Variants in ACOX3 observed in about 807,000 individuals in gnomAD.
ACOX3 encodes the protein acyl-CoA oxidase 3, pristanoyl.
ACOX3 carries 73 observed loss-of-function variants against 81.5 expected under a neutral mutation model. The ratio of observed to expected loss-of-function variants is 0.90; its 90% confidence interval spans 0.74 to 1.09. The LOEUF is 1.09. Ranked by LOEUF, ACOX3 falls within the 50% of genes least tolerant of loss-of-function variation. The pLI, the probability that ACOX3 is intolerant of heterozygous loss-of-function variation, is 0.00. For missense variants in ACOX3, 947 were observed against 928.0 expected (o/e 1.02, Z -0.27); for synonymous variants, 387 against 375.1 (o/e 1.03, Z -0.37).
Position 8,366,897 on chromosome 4 carries a change from T to C in ACOX3, c.*64A>G. The C allele has an allele frequency of 6.3e-7, 1 of 1,578,926 alleles. No homozygotes were observed. The highest frequency in any genetic ancestry group is 8.7e-7 in the Non-Finnish European group (1 of 1,152,974). On this transcript the variant is annotated 3_prime_UTR_variant, in exon 18 of 18. Transcript: ENST00000356406. Reference sequence around the variant, plus strand: ...TCCGGCGTGTTCTGGAATCAGAAGTTGAGGTCCACGTCTGATTAGTTCCCT... The same window carrying C: ...TCCGGCGTGTTCTGGAATCAGAAGTCGAGGTCCACGTCTGATTAGTTCCCT...
chr4:8,356,751 A>G, the ACOX3 span: 3 of 456,524 alleles, frequency 6.6e-6, no homozygotes. Flanking sequence ...AAGTGTGCAG[A>G]ATGGTGCACG....
At chr4:8,376,682 C>G (rs955738066) in intron 14 of ACOX3, among the ~76,000 whole-genome samples, 16 of 152,266 alleles carry the variant, frequency 1.1e-4, no homozygotes, top group Admixed American at 9.8e-4. Flanking sequence ...GCCAGGAAGG[C>G]CCGTCCTGCT....
intron 7 of ACOX3, among the ~76,000 whole-genome samples, chr4:8,401,997 C>T (rs1184452414): frequency 1.3e-5 from 2 of 152,230 alleles, no homozygotes; most frequent in African/African-American, 4.8e-5. Context: ...GCTCACCCCC[C>T]TCCATGAGGG....
the ACOX3 span, chr4:8,355,911 G>C: frequency 1.9e-5 from 3 of 160,946 alleles, no homozygotes; most frequent in Non-Finnish European, 4.2e-5. Context: ...TATATGAACA[G>C]ACTTCAAGCA....
intron 16 of ACOX3, among the ~76,000 whole-genome samples, chr4:8,372,533 C>T (rs934537235): frequency 6.6e-6 from 1 of 152,212 alleles, no homozygotes; most frequent in Non-Finnish European, 1.5e-5. Flanking sequence ...AAATTTGGCT[C>T]TTGGAGGAGC....
intron 1 of ACOX3, among the ~76,000 whole-genome samples, chr4:8,425,228 A>G (rs1426712982): frequency 6.6e-6 from 1 of 152,150 alleles, no homozygotes; most frequent in East Asian, 1.9e-4. Flanking sequence ...CGCGAAGCAG[A>G]TACTGAAGCC....
chr4:8,411,489 G>A (rs965511503), intron 5 of ACOX3, among the ~76,000 whole-genome samples: 6 of 152,300 alleles, frequency 3.9e-5, no homozygotes, highest in Admixed American at 6.5e-5. Flanking sequence ...CCAGCTCTTC[G>A]CCTGCGAGGG....
chr4:8,385,597 G>C lies in ACOX3; in HGVS notation c.1537+3576C>G, dbSNP rs1299108675. 2.0e-5 allele frequency among the ~76,000 whole-genome samples: 3 copies of C among 152,214 alleles called. No individual in the cohort carries two copies. The highest frequency in any genetic ancestry group is 6.5e-5 in the Admixed American group (1 of 15,282). On this transcript the variant is annotated intron_variant, in intron 13 of 17. Transcript: ENST00000356406. The surrounding 1 kb of genome is among the most constrained non-coding windows in gnomAD (Gnocchi z 5.5). ...GTGACACTCAGCTCAGTGCAAAAATGCCTGTGCAAAAATCAGAGGAACTCA... is the reference window on the plus strand; with the variant it reads ...GTGACACTCAGCTCAGTGCAAAAATCCCTGTGCAAAAATCAGAGGAACTCA...
At chr4:8,434,242 G>C (rs1724101423) in intron 1 of ACOX3, among the ~76,000 whole-genome samples, 1 of 152,196 alleles carries the variant, frequency 6.6e-6, no homozygotes, top group Non-Finnish European at 1.5e-5. Flanking sequence ...AAAGTTGTAA[G>C]CCTTTAAACA....
chr4:8,399,464 C>G lies in ACOX3; in HGVS notation c.873+92G>C. On this transcript the variant is annotated intron_variant, in intron 8 of 17. Coordinates refer to ENST00000356406, the MANE Select transcript of ACOX3 (RefSeq NM_003501.3). This position sits in a 1 kb window ranked among gnomAD's most constrained non-coding sequence, Gnocchi z 4.9. The stretch of plus-strand genomic sequence containing the variant: ...ACACCTGGCCTACGTGGAGGGGTCT[C>G]CTTTCCAGGTGCAGGGAGGAGCACA... 1 of 1,155,048 alleles carries G rather than the reference C, an allele frequency of 8.7e-7. No individual in the cohort carries two copies. Among genetic ancestry groups the G allele is most frequent in the Non-Finnish European group, 1.3e-6 (1 of 789,054 alleles). 71.5% of individuals were successfully genotyped at this position (1,155,048 alleles called of 1,614,324 possible). A position where few individuals can be genotyped will look rare whatever the true frequency, so the allele number is the denominator to read the frequency against.
chr4:8,385,893 C>T lies in ACOX3; in HGVS notation c.1537+3280G>A, dbSNP rs768413686. Among the ~76,000 whole-genome samples the T allele has an allele frequency of 1.3e-4, 20 of 152,252 alleles. No individual in the cohort carries two copies. The highest frequency in any genetic ancestry group is 2.4e-4 in the Non-Finnish European group (16 of 68,034). On this transcript the variant is annotated intron_variant, in intron 13 of 17. Transcript: ENST00000356406. This position sits in a 1 kb window ranked among gnomAD's most constrained non-coding sequence, Gnocchi z 5.5. ...GGGCTGGCAGAACCCACAAGCTTCC[C>T]TGCGGCGTGAGGGATAATGGCGGTC...
chr4:8,418,066 A>G (rs1722533064), intron 1 of ACOX3, among the ~76,000 whole-genome samples: 1 of 152,206 alleles, frequency 6.6e-6, no homozygotes, highest in African/African-American at 2.4e-5. Context: ...ACGAAGAAAA[A>G]CCAGGGGTTC....
chr4:8,361,425 C>CAAAAAAAAAAAAAAAAA (rs56251372), downstream of ACOX3, among the ~76,000 whole-genome samples: 11 of 39,028 alleles, frequency 2.8e-4, no homozygotes, highest in East Asian at 8.8e-4. Flanking sequence ...GACTCTATCT[C>CAAAAAAAAAAAAAAAAA]AAAAAAAAAA....
intron 13 of ACOX3, among the ~76,000 whole-genome samples, chr4:8,388,142 G>A (rs1350098243): frequency 2.0e-5 from 3 of 152,060 alleles, no homozygotes; most frequent in Non-Finnish European, 4.4e-5. Context: ...CCCGTCCATC[G>A]GGGGTCCCCA....
chr4:8,416,379 T>A lies in ACOX3; in HGVS notation c.143A>T (p.Lys48Met). Residue 48 changes from lysine (K) to methionine (M), a missense_variant and splice_region_variant, in exon 2 of 18, where the codon AAG (lysine) becomes ATG (methionine). Coordinates refer to ENST00000356406, the MANE Select transcript of ACOX3 (RefSeq NM_003501.3). The surrounding 1 kb of genome is among the most constrained non-coding windows in gnomAD (Gnocchi z 4.2). ...FTEGEGMLRF[K>M]KTIFSALEND... ...GCTGCGCACAACCGCACGCCTCACC[T>A]TAAAGCGGAGCATGCCCTCCCCTTC... 6.2e-7 allele frequency: 1 copy of A among 1,614,142 alleles called. No individual in the cohort carries two copies. The highest frequency in any genetic ancestry group is 8.5e-7 in the Non-Finnish European group (1 of 1,180,038).
At chr4:8,418,051 T>A (rs1722531594) in intron 1 of ACOX3, among the ~76,000 whole-genome samples, 1 of 152,182 alleles carries the variant, frequency 6.6e-6, no homozygotes, top group Non-Finnish European at 1.5e-5. Context: ...ATCAATAAAC[T>A]GTCCACGAAG....
chr4:8,381,555 A>G lies in ACOX3; in HGVS notation c.1590T>C (p.Tyr530=), dbSNP rs749573613. The part of the protein sequence containing the change: ...WLVCYLLRET[Y]QKLNQEKRSG... ...ATCTTTTCTCTTGGTTTAATTTTTG[A>G]TAAGTCTCTCGGAGCAGGTAGCAAA... The change falls in exon 14 of 18, where the codon TAT becomes TAC. Residue 530 remains tyrosine (Y), a synonymous_variant. Coordinates refer to ENST00000356406, the MANE Select transcript of ACOX3 (RefSeq NM_003501.3). The surrounding 1 kb of genome is among the most constrained non-coding windows in gnomAD (Gnocchi z 4.3). 8 of 1,613,926 alleles carry G rather than the reference A, an allele frequency of 5.0e-6. No homozygotes were observed. The Admixed American group carries it at 8.3e-5, about 17-fold the overall frequency.
At chr4:8,374,158 C>T (rs1716625362) in intron 15 of ACOX3, 1 of 167,046 alleles carries the variant, frequency 6.0e-6, no homozygotes, top group Admixed American at 5.9e-5. Context: ...AGGTCCAAGG[C>T]TGTGGCCTTG....
chr4:8,426,043 C>T (rs1325139954), intron 1 of ACOX3, among the ~76,000 whole-genome samples: 2 of 152,108 alleles, frequency 1.3e-5, no homozygotes, highest in Non-Finnish European at 2.9e-5. Flanking sequence ...GAATACAAAA[C>T]TCCCCCCAAA....
Sources: gnomAD v4.1 joint callset for allele counts (sites outside exome capture counted in the v4.1 genomes callset) on GRCh38, gnomAD v4.1.1 for gene constraint, Gnocchi (gnomAD v3.1) non-coding constraint, MANE v1.5 for transcripts, NCBI Gene and HGNC (gene_info 2026-07-23, HGNC 2026-07-21) for gene names.